Variants in AGFG2 observed in about 807,000 individuals in gnomAD.
The protein encoded by AGFG2 is arf-GAP domain and FG repeat-containing protein 2.
AGFG2 carries 31 observed loss-of-function variants against 48.0 expected under a neutral mutation model. That is an observed-to-expected ratio of 0.65 (90% CI 0.49 to 0.87). The LOEUF is 0.87. Ranked by LOEUF, AGFG2 falls within the 40% of genes least tolerant of loss-of-function variation. The pLI is 0.00. For synonymous variants in AGFG2, 229 were observed against 260.8 expected (o/e 0.88, Z 1.18); for missense variants, 599 against 632.6 (o/e 0.95, Z 0.57).
intron 2 of AGFG2, 95 bp downstream of exon 2, chr7:100,549,010 G>T: frequency 2.0e-6 from 2 of 1,016,814 alleles, no homozygotes; most frequent in East Asian, 2.4e-5. Context: ...TTTATTTTTG[G>T]TTGAGTTTCT....
intron 1 of AGFG2, among the ~76,000 whole-genome samples, chr7:100,542,077 G>A (rs1015920063): frequency 5.3e-5 from 8 of 151,948 alleles, no homozygotes; most frequent in Non-Finnish European, 1.2e-4. Context: ...GTGCAATGGC[G>A]CGATCTCGGC....
intron 6 of AGFG2, chr7:100,556,456 A>T (rs6651109): frequency 0.19 from 112,826 of 592,964 alleles, 11,826 homozygotes; most frequent in African/African-American, 0.33. Flanking sequence ...GCCTTCTGCC[A>T]TTGGACATCC....
Position 100,562,176 on chromosome 7 carries a change from C to T in AGFG2, c.878-83C>T, listed in dbSNP as rs774849072. 3 of 1,539,618 alleles carry T rather than the reference C, an allele frequency of 1.9e-6. No individual in the cohort carries two copies. The highest frequency in any genetic ancestry group is 2.6e-6 in the Non-Finnish European group (3 of 1,135,864). ...TCATGCCATGACTCCAATCCATCAC[C>T]ACCACCACCTCCATCTGCTCTCCTG... On this transcript the variant is annotated intron_variant, in intron 6 of 11. Transcript: ENST00000300176. The surrounding 1 kb of genome is among the most constrained non-coding windows in gnomAD (Gnocchi z 5.4).
At chr7:100,555,342 C>T (rs1246688090) in intron 5 of AGFG2, among the ~76,000 whole-genome samples, 1 of 129,620 alleles carries the variant, frequency 7.7e-6, no homozygotes, top group East Asian at 2.6e-4. Flanking sequence ...GGCACAATCT[C>T]GGCTCACTGC....
chr7:100,546,585 T>C (rs1336184769), intron 1 of AGFG2, among the ~76,000 whole-genome samples: 2 of 152,196 alleles, frequency 1.3e-5, no homozygotes, highest in Non-Finnish European at 2.9e-5. Flanking sequence ...CTATAATTTT[T>C]GTATCCCCCA....
chr7:100,561,929 C>T (rs1800882399), intron 6 of AGFG2, among the ~76,000 whole-genome samples: 1 of 152,204 alleles, frequency 6.6e-6, no homozygotes, highest in Admixed American at 6.5e-5. Context: ...TTTTCCATCT[C>T]TTGAGGGAAA....
rs1310086122 is a variant in AGFG2 at position 100,564,976 on chromosome 7, C to T, written c.1431C>T (p.Thr477=). 1 of 1,614,190 alleles carries T rather than the reference C, an allele frequency of 6.2e-7. No individual in the cohort carries two copies. The highest frequency in any genetic ancestry group is 8.5e-7 in the Non-Finnish European group (1 of 1,180,010). The change falls in exon 12 of 12, where the codon ACC becomes ACT. Residue 477 remains threonine, a synonymous_variant. Transcript: ENST00000300176. ...CATTCGCCTCCAAACCTCCAACCAC[C>T]AACCCCTTCTTGTAGCACTGTGTTT... The part of the protein sequence containing the change: ...SSPFASKPPT[T]NPFL
intron 9 of AGFG2, 135 bp downstream of exon 9, chr7:100,563,081 C>A: frequency 2.3e-6 from 2 of 886,982 alleles, no homozygotes; most frequent in South Asian, 3.4e-5. Flanking sequence ...CCTGCCCACA[C>A]GGTGCCAGGC....
rs547205829 is a variant in AGFG2 at position 100,551,607 on chromosome 7, G to A, written c.431+1096G>A. Among the ~76,000 whole-genome samples the A allele has an allele frequency of 1.1e-3, 162 of 151,964 alleles. 2 individuals are homozygous for A. The South Asian group carries it at 0.029, about 27-fold the overall frequency. ...CAAAAATATTTGGGAAAATAGGCCAGGCAAGGTGGCTCACGCCTATAATCC... is the reference window on the plus strand; with the variant it reads ...CAAAAATATTTGGGAAAATAGGCCAAGCAAGGTGGCTCACGCCTATAATCC... On this transcript the variant is annotated intron_variant, in intron 3 of 11. Coordinates refer to ENST00000300176, the MANE Select transcript of AGFG2 (RefSeq NM_006076.5).
At chr7:100,541,507 C>T (rs1265459068) in intron 1 of AGFG2, among the ~76,000 whole-genome samples, 1 of 151,636 alleles carries the variant, frequency 6.6e-6, no homozygotes, top group Non-Finnish European at 1.5e-5. Context: ...GGCTCGGTGG[C>T]TCAGTATGTA....
Position 100,562,789 on chromosome 7 carries a change from T to G in AGFG2, c.1088-74T>G. Reference sequence around the variant, plus strand: ...AGAGATTGAGAGGAATGCTCAGGCATCACAGGATGAAGCACGTGAGAAAAA... The same window carrying G: ...AGAGATTGAGAGGAATGCTCAGGCAGCACAGGATGAAGCACGTGAGAAAAA... On this transcript the variant is annotated intron_variant, in intron 8 of 11. Transcript: ENST00000300176. This position sits in a 1 kb window ranked among gnomAD's most constrained non-coding sequence, Gnocchi z 5.4. 6.3e-7 allele frequency: 1 copy of G among 1,599,512 alleles called. No individual in the cohort carries two copies. Among genetic ancestry groups the G allele is most frequent in the Non-Finnish European group, 8.6e-7 (1 of 1,168,556 alleles).
chr7:100,559,818 CAAA>C (rs199577248), intron 6 of AGFG2, among the ~76,000 whole-genome samples: 9 of 97,452 alleles, frequency 9.2e-5, no homozygotes, highest in Non-Finnish European at 1.1e-4. Flanking sequence ...GACCCTGTCT[CAAA>C]AAAAAAAAAA....
chr7:100,558,259 A>T (rs1179505256), intron 6 of AGFG2, among the ~76,000 whole-genome samples: 1 of 152,210 alleles, frequency 6.6e-6, no homozygotes, highest in Non-Finnish European at 1.5e-5. Context: ...CTAATTAATC[A>T]GAGAAATGCA....
chr7:100,548,742 C>G, intron 1 of AGFG2, 80 bp from the exon 2 acceptor site: 1 of 1,051,374 alleles, frequency 9.5e-7, no homozygotes, highest in Non-Finnish European at 1.5e-6. Flanking sequence ...CACCCTTTCT[C>G]CCTCCTCCTC....
In AGFG2 at chr7:100,562,923, TC is replaced by T; in HGVS notation, c.1150del (p.Gln384SerfsTer13). On this transcript the variant is annotated frameshift_variant, in exon 9 of 12. Transcript: ENST00000300176. LOFTEE classifies it high-confidence loss of function. The surrounding 1 kb of genome is among the most constrained non-coding windows in gnomAD (Gnocchi z 5.4). ...TCCCCGCTGCCTTCCACCAACCCGTTCCAGCCCAATGGCTTGGCGCCAGGTA... is the reference window on the plus strand; with the variant it reads ...TCCCCGCTGCCTTCCACCAACCCGTTCAGCCCAATGGCTTGGCGCCAGGTA... Reference protein sequence around the residue: ...AQSPLPSTNPFQPNGLAPGPG... With the variant: ...AQSPLPSTNPXQPNGLAPGPG... The T allele has an allele frequency of 6.2e-7, 1 of 1,614,046 alleles. No homozygotes were observed. Among genetic ancestry groups the T allele is most frequent in the Non-Finnish European group, 8.5e-7 (1 of 1,179,968 alleles).
In AGFG2 at chr7:100,539,564, T is replaced by C; in HGVS notation, c.218T>C (p.Leu73Pro). The C allele has an allele frequency of 9.8e-7, 1 of 1,021,942 alleles. No homozygotes were observed. The highest frequency in any genetic ancestry group is 1.2e-6 in the Non-Finnish European group (1 of 846,482). The allele number at this position is 1,021,942 out of a possible 1,614,324, so 63.3% of individuals were successfully genotyped here. A position where few individuals can be genotyped will look rare whatever the true frequency, so the allele number is the denominator to read the frequency against. The change falls in exon 1 of 12, where the codon CTC becomes CCC. Residue 73 changes from leucine to proline, a missense_variant. Coordinates refer to ENST00000300176, the MANE Select transcript of AGFG2 (RefSeq NM_006076.5). Reference protein sequence around the residue: ...GSFVCTTCSGLLRGLNPPHRV... With the variant: ...GSFVCTTCSGPLRGLNPPHRV... The stretch of plus-strand genomic sequence containing the variant: ...TTCGTGTGCACCACCTGCTCCGGCC[T>C]CCTGTGAGTGACCGGGAGGGAGTGG...
rs1429994209 is a variant in AGFG2 at position 100,539,286 on chromosome 7, G to A, written c.-61G>A. ...CGGGCGTGCGGAGGCGGCTGAGGAG[G>A]CGGGAAGGCGGCAGTGGTTGAAGGG... On this transcript the variant is annotated 5_prime_UTR_variant, in exon 1 of 12. Coordinates refer to ENST00000300176, the MANE Select transcript of AGFG2 (RefSeq NM_006076.5). 1.6e-6 allele frequency: 2 copies of A among 1,268,234 alleles called. No individual in the cohort carries two copies. Among genetic ancestry groups the A allele is most frequent in the Non-Finnish European group, 1.0e-6 (1 of 1,003,034 alleles). The allele number at this position is 1,268,234 out of a possible 1,614,324, so 78.6% of individuals were successfully genotyped here.
rs766106894 is a variant in AGFG2 at position 100,563,902 on chromosome 7, G to A, written c.1240G>A (p.Ala414Thr). 2.5e-6 allele frequency: 4 copies of A among 1,610,092 alleles called. No homozygotes were observed. In the South Asian group the frequency reaches 3.3e-5, roughly 13 times the overall value. ...PQAVPPTGAF[A>T]SSFPAPLFPP... is the part of the protein sequence containing the mutation. ...GGCAGTGCCACCCACTGGGGCCTTT[G>A]CCAGCTCCTTCCCAGCACCGCTGTT... Residue 414 changes from alanine (A) to threonine (T), a missense_variant, in exon 10 of 12, where the codon GCC (alanine) becomes ACC (threonine). Coordinates refer to ENST00000300176, the MANE Select transcript of AGFG2 (RefSeq NM_006076.5).
Position 100,562,928 on chromosome 7 carries a change from C to A in AGFG2, c.1153C>A (p.Pro385Thr). ...SPLPSTNPFQPNGLAPGPGFG... is the reference protein window; with the variant it reads ...SPLPSTNPFQTNGLAPGPGFG... ...GCTGCCTTCCACCAACCCGTTCCAGCCCAATGGCTTGGCGCCAGGTAAGCC... is the reference window on the plus strand; with the variant it reads ...GCTGCCTTCCACCAACCCGTTCCAGACCAATGGCTTGGCGCCAGGTAAGCC... The change falls in exon 9 of 12, where the codon CCC (proline) becomes ACC (threonine). Residue 385 changes from proline (P) to threonine (T), a missense_variant. By Grantham distance (38) the Pro-to-Thr change is conservative. Coordinates refer to ENST00000300176, the MANE Select transcript of AGFG2 (RefSeq NM_006076.5). This position sits in a 1 kb window ranked among gnomAD's most constrained non-coding sequence, Gnocchi z 5.4. 1 of 1,614,058 alleles carries A rather than the reference C, an allele frequency of 6.2e-7. No individual in the cohort carries two copies. Among genetic ancestry groups the A allele is most frequent in the Non-Finnish European group, 8.5e-7 (1 of 1,179,956 alleles).
Sources: allele counts gnomAD v4.1 joint callset (sites outside exome capture counted in the v4.1 genomes callset), GRCh38; gene constraint gnomAD v4.1.1; non-coding constraint Gnocchi (gnomAD v3.1); transcripts MANE v1.5; gene names NCBI Gene and HGNC (gene_info 2026-07-23, HGNC 2026-07-21).